Variants in APOB observed in about 807,000 individuals in gnomAD.
The protein encoded by APOB is apolipoprotein B.
Under a neutral mutation model 314.1 loss-of-function variants are expected in APOB, and 153 were observed. That is an observed-to-expected ratio of 0.49 (90% confidence interval 0.43 to 0.56). The LOEUF (loss-of-function observed/expected upper bound fraction) is 0.56, where lower values mean the gene tolerates loss of function less well. Ranked by LOEUF, APOB falls within the 20% of genes least tolerant of loss-of-function variation. The pLI is 0.00. For missense variants in APOB, 5,430 were observed against 5,350.7 expected, an observed-to-expected ratio of 1.01 and a Z score of -0.46; for synonymous variants, 2,087 against 2,036.4, an observed-to-expected ratio of 1.02 and a Z score of -0.67.
chr2:21,002,183 G>C lies in APOB; in HGVS notation c.13239C>G (p.Asn4413Lys), dbSNP rs72654425. 1.2e-6 allele frequency: 2 copies of C among 1,613,898 alleles called. No homozygotes were observed. The highest frequency in any genetic ancestry group is 2.7e-5 in the African/African-American group (2 of 75,014). The change falls in exon 29 of 29, where the codon AAC (asparagine) becomes AAG (lysine). Residue 4413 changes from asparagine to lysine, a missense_variant. Asn to Lys is a moderately conservative substitution (Grantham distance 94). This residue lies in a region of APOB where 3,281 missense variants were observed against 3,171.0 expected (regional missense o/e 1.03). Coordinates refer to ENST00000233242, the MANE Select transcript of APOB (RefSeq NM_000384.3). ...LEEKIVSLIK[N>K]LLVALKDFHS... ...GGAAGTCCTTAAGAGCAACTAACAG[G>C]TTCTTGATCAGACTGACTATCTTTT...
Position 21,019,783 on chromosome 2 carries a change from G to A in APOB, c.2939C>T (p.Ala980Val). 1 of 1,614,204 alleles carries A rather than the reference G, an allele frequency of 6.2e-7. No individual in the cohort carries two copies. Among genetic ancestry groups the A allele is most frequent in the South Asian group, 1.1e-5 (1 of 91,078 alleles). ...GTCTGTGGAGCTGGCGTTGGAGTAA[G>A]CGCCTGAGGTGCAGTAATTCAGGCC... ...FPGLNYCTSG[A>V]YSNASSTDSA... Residue 980 changes from alanine to valine, a missense_variant, in exon 19 of 29, where the codon GCT becomes GTT. Ala to Val is a moderately conservative substitution (Grantham distance 64). Coordinates refer to ENST00000233242, the MANE Select transcript of APOB (RefSeq NM_000384.3).
rs1286576696 is a variant in APOB at position 21,037,829 on chromosome 2, A to G, written c.537+129T>C. 9 of 1,217,770 alleles carry G rather than the reference A, an allele frequency of 7.4e-6. No homozygotes were observed. In the African/African-American group the frequency reaches 9.0e-5, roughly 12 times the overall value. The allele number at this position is 1,217,770 out of a possible 1,614,324, so 75.4% of individuals were successfully genotyped here. ...ACCTCGGGCACCAGTATTTCACGCC[A>G]ATCCAGGGCTTCCTATGTAACTAGT... On this transcript the variant is annotated intron_variant, in intron 5 of 28. Transcript: ENST00000233242.
chr2:21,012,665 G>T lies in APOB; in HGVS notation c.4217-14C>A. 6.2e-7 allele frequency: 1 copy of T among 1,608,096 alleles called. No homozygotes were observed. The highest frequency in any genetic ancestry group is 1.1e-5 in the South Asian group (1 of 90,954). ...TTTCTCCAGATCCTAACATAAAAATGAAAAGACATTGGTTAAATTAAGCAG... is the reference window on the plus strand; with the variant it reads ...TTTCTCCAGATCCTAACATAAAAATTAAAAGACATTGGTTAAATTAAGCAG... On this transcript the variant is annotated splice_polypyrimidine_tract_variant and intron_variant, in intron 25 of 28. Coordinates refer to ENST00000233242, the MANE Select transcript of APOB (RefSeq NM_000384.3).
In APOB at chr2:21,008,523, G is replaced by A. The variant is rs1212971799; in HGVS notation, c.8345C>T (p.Thr2782Ile). The A allele has an allele frequency of 6.2e-7, 1 of 1,613,954 alleles. No individual in the cohort carries two copies. Among genetic ancestry groups the A allele is most frequent in the Non-Finnish European group, 8.5e-7 (1 of 1,179,994 alleles). ...DANADIGNGT[T>I]SANEAGIAAS... ...TGCGATACCTGCTTCGTTTGCTGAG[G>A]TGGTTCCATTCCCTATGTCAGCATT... The change falls in exon 26 of 29, where the codon ACC (threonine) becomes ATC (isoleucine). Residue 2782 changes from threonine to isoleucine, a missense_variant. Around this residue, in one of 3 missense-constraint regions of APOB, gnomAD observed 3,281 missense variants for 3,171.0 expected, o/e 1.03. Transcript: ENST00000233242.
rs200231583 is a variant in APOB, at chr2:21,009,139, T to G, written c.7729A>C (p.Met2577Leu). 4.1e-5 allele frequency: 66 copies of G among 1,614,060 alleles called. No individual in the cohort carries two copies. The East Asian group carries it at 1.2e-3, about 28-fold the overall frequency. The change falls in exon 26 of 29, where the codon ATG (methionine) becomes CTG (leucine). Residue 2577 changes from methionine to leucine, a missense_variant. Transcript: ENST00000233242. Reference protein sequence around the residue: ...QYSIQDWAKRMKALVEQGFTV... With the variant: ...QYSIQDWAKRLKALVEQGFTV... Reference sequence around the variant, plus strand: ...AACCCTTGCTCTACCAATGCTTTCATACGTTTAGCCCAATCTTGGATAGAA... The same window carrying G: ...AACCCTTGCTCTACCAATGCTTTCAGACGTTTAGCCCAATCTTGGATAGAA...
Position 21,041,084 on chromosome 2 carries a change from C to G in APOB, c.238-1G>C. On this transcript the variant is annotated splice_acceptor_variant, in intron 3 of 28. Transcript: ENST00000233242. LOFTEE classifies it high-confidence loss of function. ...AGAGCTGGGGAACCTCCAGCTCAAC[C>G]TGAGAATTCAGGGTAGCAGAGCATT... The G allele has an allele frequency of 6.2e-7, 1 of 1,611,368 alleles. No individual in the cohort carries two copies.
intron 8 of APOB, 84 bp from the exon 9 acceptor site, chr2:21,033,602 G>T: frequency 8.6e-7 from 1 of 1,160,726 alleles, no homozygotes; most frequent in Non-Finnish European, 1.3e-6. Context: ...AAATTGTGGA[G>T]TATCAGCACA....
chr2:21,025,257 T>C (rs1158610455), intron 15 of APOB, 133 bp from the exon 16 acceptor site: 2 of 829,958 alleles, frequency 2.4e-6, no homozygotes, highest in Admixed American at 3.8e-5. Context: ...AGGGAGACAC[T>C]GAAGTCCAGG....
At chr2:21,005,055 G>A in intron 26 of APOB, 25 bp downstream of exon 26, 1 of 1,611,244 alleles carries the variant, frequency 6.2e-7, no homozygotes, top group Non-Finnish European at 8.5e-7. Flanking sequence ...ACAGTATCTA[G>A]GAGAGGAGGC....
In APOB at chr2:21,035,581, T is replaced by C. The variant is rs757734514; in HGVS notation, c.818+3A>G. 15 of 1,613,934 alleles carry C rather than the reference T, an allele frequency of 9.3e-6. No individual in the cohort carries two copies. In the Admixed American group the frequency reaches 2.2e-4, roughly 23 times the overall value. ...CAAATCAGGGGTGCATCACATGACC[T>C]ACTTGTAGGAGAAAGGCAGGAAGAG... On this transcript the variant is annotated splice_donor_region_variant and intron_variant, in intron 7 of 28. Transcript: ENST00000233242.
At chr2:21,015,325 C>A (rs1369083089) in intron 22 of APOB, 45 bp downstream of exon 22, 1 of 1,613,462 alleles carries the variant, frequency 6.2e-7, no homozygotes, top group Non-Finnish European at 8.5e-7. Flanking sequence ...GGTCTCAACA[C>A]CTGCATTACT....
Position 21,040,922 on chromosome 2 carries a change from G to T in APOB, c.383+16C>A, listed in dbSNP as rs1266320878. The T allele has an allele frequency of 6.2e-7, 1 of 1,613,792 alleles. No individual in the cohort carries two copies. Among genetic ancestry groups the T allele is most frequent in the Non-Finnish European group, 8.5e-7 (1 of 1,179,984 alleles). On this transcript the variant is annotated intron_variant, in intron 4 of 28. Coordinates refer to ENST00000233242, the MANE Select transcript of APOB (RefSeq NM_000384.3). Reference sequence around the variant, plus strand: ...GACACACACACATGCGTGTGCTCATGTACAACATGACTTACCTGGACATGG... The same window carrying T: ...GACACACACACATGCGTGTGCTCATTTACAACATGACTTACCTGGACATGG...
At position 21,007,380 on chromosome 2, in the gene APOB, T is replaced by G. The variant is rs777931926; in HGVS notation, c.9488A>C (p.Lys3163Thr). Residue 3163 changes from lysine (K) to threonine (T), a missense_variant, in exon 26 of 29, where the codon AAA becomes ACA. By Grantham distance (78) the Lys-to-Thr change is moderately conservative. Around this residue, in one of 3 missense-constraint regions of APOB, gnomAD observed 3,281 missense variants for 3,171.0 expected, o/e 1.03. Coordinates refer to ENST00000233242, the MANE Select transcript of APOB (RefSeq NM_000384.3). Reference sequence around the variant, plus strand: ...TAAATCAAATGATTGCTTTGTCGTTTTCAAGAATTCCTTCAAGCCTGTTTT... The same window carrying G: ...TAAATCAAATGATTGCTTTGTCGTTGTCAAGAATTCCTTCAAGCCTGTTTT... The part of the protein sequence containing the change: ...WEKTGLKEFL[K>T]TTKQSFDLSV... 13 of 1,614,096 alleles carry G rather than the reference T, an allele frequency of 8.1e-6. No individual in the cohort carries two copies. The highest frequency in any genetic ancestry group is 1.0e-5 in the Non-Finnish European group (12 of 1,179,970).
Position 21,002,416 on chromosome 2 carries a change from T to C in APOB, c.13006A>G (p.Ile4336Val). ...ACATATGGGATATAATCACTGAAGA[T>C]TGTGTTGATCTCATCTTGGATATAA... is the stretch of plus-strand genomic sequence containing the variant. ...INYIQDEINT[I>V]FSDYIPYVFK... Residue 4336 changes from isoleucine to valine, a missense_variant, in exon 29 of 29, where the codon ATC (isoleucine) becomes GTC (valine). Ile to Val is a conservative substitution (Grantham distance 29, BLOSUM62 3). Coordinates refer to ENST00000233242, the MANE Select transcript of APOB (RefSeq NM_000384.3). 1 of 1,600,306 alleles carries C rather than the reference T, an allele frequency of 6.2e-7. No homozygotes were observed. Among genetic ancestry groups the C allele is most frequent in the Admixed American group, 1.7e-5 (1 of 58,626 alleles).
chr2:21,040,078 T>C (rs1664094197), intron 4 of APOB, among the ~76,000 whole-genome samples: 1 of 152,128 alleles, frequency 6.6e-6, no homozygotes, highest in African/African-American at 2.4e-5. Flanking sequence ...GTTCTCGTGA[T>C]TGCAGATGGG....
intron 24 of APOB, among the ~76,000 whole-genome samples, chr2:21,014,138 C>T (rs946549864): frequency 7.9e-5 from 12 of 152,174 alleles, no homozygotes; most frequent in African/African-American, 2.9e-4. Context: ...TAGTCAATAA[C>T]GCCTCTAGCC....
In APOB at chr2:21,004,996, C is replaced by T. The variant is rs1430065781; in HGVS notation, c.11788+84G>A. ...GTGACATTGAGTAATTGTACATCTA[C>T]TCACAACTAAATACATAATTATTTA... is the stretch of plus-strand genomic sequence containing the variant. On this transcript the variant is annotated intron_variant, in intron 26 of 28. Transcript: ENST00000233242. The T allele has an allele frequency of 4.5e-6, 7 of 1,551,330 alleles. No individual in the cohort carries two copies. In the African/African-American group the frequency reaches 5.4e-5, roughly 12 times the overall value.
At chr2:21,024,737 G>A (rs1044196747) in intron 16 of APOB, 196 bp downstream of exon 16, 10 of 719,898 alleles carry the variant, frequency 1.4e-5, no homozygotes, top group Middle Eastern at 2.3e-4. Context: ...ATTATGAATA[G>A]CTTAATTTCT....
At chr2:21,029,834 A>G in intron 11 of APOB, 49 bp from the exon 12 acceptor site, 1 of 1,612,688 alleles carries the variant, frequency 6.2e-7, no homozygotes, top group Non-Finnish European at 8.5e-7. Context: ...AGGAGAGGGA[A>G]GTAAAAGGTG....
Sources: allele counts gnomAD v4.1 joint callset (sites outside exome capture counted in the v4.1 genomes callset), GRCh38; gene constraint gnomAD v4.1.1; regional missense constraint gnomAD v4.1.1; transcripts MANE v1.5; gene names NCBI Gene and HGNC (gene_info 2026-07-23, HGNC 2026-07-21).